Variants in TCEA3 observed in about 807,000 individuals in gnomAD.
TCEA3 encodes the protein transcription elongation factor A3.
In TCEA3, 36 loss-of-function variants were observed where a neutral mutation model predicts 44.0. The observed-to-expected ratio is 0.82, with a 90% CI of 0.63 to 1.08. TCEA3 has a LOEUF of 1.08. Ranked by LOEUF, TCEA3 falls within the 50% of genes least tolerant of loss-of-function variation. TCEA3 has a pLI of 0.00. For missense variants in TCEA3, 392 were observed against 441.2 expected (o/e 0.89, Z 1.00); for synonymous variants, 162 against 159.7 (o/e 1.01, Z -0.11).
At chr1:23,384,034 C>A in intron 10 of TCEA3, 1 of 1,206,298 alleles carries the variant, frequency 8.3e-7, no homozygotes, top group Non-Finnish European at 1.0e-6. Context: ...GAATGTTTTT[C>A]CTCTCCTCTG....
At chr1:23,406,546 C>T (rs1639549889) in intron 5 of TCEA3, among the ~76,000 whole-genome samples, 1 of 152,178 alleles carries the variant, frequency 6.6e-6, no homozygotes. Flanking sequence ...ACACCCACTC[C>T]TTTATCCACA....
chr1:23,403,037 G>C (rs1282704668), intron 5 of TCEA3, among the ~76,000 whole-genome samples: 1 of 152,216 alleles, frequency 6.6e-6, no homozygotes, highest in Non-Finnish European at 1.5e-5. Flanking sequence ...CTCTCTCAAA[G>C]CCAGCCTCTG....
chr1:23,398,479 C>T (rs115626380), intron 5 of TCEA3, among the ~76,000 whole-genome samples: 2,185 of 152,330 alleles, frequency 0.014, 20 homozygotes, highest in Non-Finnish European at 0.021. Flanking sequence ...GATAAGTCAG[C>T]AAAGCTCCTT....
chr1:23,419,937 G>A (rs1640009569), intron 1 of TCEA3, among the ~76,000 whole-genome samples: 1 of 152,134 alleles, frequency 6.6e-6, no homozygotes, highest in Non-Finnish European at 1.5e-5. Context: ...CAACATACGT[G>A]TACACCCATG....
In TCEA3 at chr1:23,404,152, G is replaced by A. The variant is rs1175468176; in HGVS notation, c.443+4512C>T. ...AGGGCATTTCAGTTACTGCATCAGCGAGCATGCTCTGCAAATGGCAAATCA... is the reference window on the plus strand; with the variant it reads ...AGGGCATTTCAGTTACTGCATCAGCAAGCATGCTCTGCAAATGGCAAATCA... On this transcript the variant is annotated intron_variant, in intron 5 of 10. Coordinates refer to ENST00000450454, the MANE Select transcript of TCEA3 (RefSeq NM_003196.3). 15 of 702,308 alleles carry A rather than the reference G, an allele frequency of 2.1e-5. No homozygotes were observed. The East Asian group carries it at 3.8e-4, about 18-fold the overall frequency. The allele number at this position is 702,308 out of a possible 1,614,324, so 43.5% of individuals were successfully genotyped here. A position where few individuals can be genotyped will look rare whatever the true frequency, so the allele number is the denominator to read the frequency against.
At chr1:23,415,114 C>G (rs1570285217) in intron 4 of TCEA3, among the ~76,000 whole-genome samples, 1 of 150,618 alleles carries the variant, frequency 6.6e-6, no homozygotes, top group South Asian at 2.1e-4. Context: ...ACCTCTGCTC[C>G]CGGGTTCAAG....
intron 8 of TCEA3, among the ~76,000 whole-genome samples, chr1:23,392,509 T>C (rs62653740): frequency 7.5e-3 from 84 of 11,156 alleles, no homozygotes; most frequent in Admixed American, 0.019. Flanking sequence ...TCACACTCCA[T>C]ACATCATACA....
At position 23,381,075 on chromosome 1, in the gene TCEA3, GTTTC is replaced by G. The variant is rs1179089572; in HGVS notation, c.*387_*390del. 5.7e-6 allele frequency: 1 copy of G among 175,598 alleles called. No homozygotes were observed. Among genetic ancestry groups the G allele is most frequent in the Non-Finnish European group, 1.2e-5 (1 of 83,088 alleles). 10.9% of individuals were successfully genotyped at this position (175,598 alleles called of 1,614,324 possible). ...GACACCTCAGGTCTAAGGCGCTGCA[GTTTC>G]TTTATTTTTTCTTTTTATAGAGATG... On this transcript the variant is annotated 3_prime_UTR_variant, in exon 11 of 11. Coordinates refer to ENST00000450454, the MANE Select transcript of TCEA3 (RefSeq NM_003196.3).
chr1:23,417,110 C>T (rs1639914196), intron 4 of TCEA3, 139 bp downstream of exon 4: 1 of 1,087,204 alleles, frequency 9.2e-7, no homozygotes, highest in Non-Finnish European at 1.3e-6. Flanking sequence ...AAGAAGACCC[C>T]CAGAGGGGGC....
At chr1:23,395,237 G>A (rs1359372614) in intron 7 of TCEA3, among the ~76,000 whole-genome samples, 4 of 152,210 alleles carry the variant, frequency 2.6e-5, no homozygotes, top group Non-Finnish European at 5.9e-5. Flanking sequence ...GGATTCCTGG[G>A]GTGTATTGAT....
chr1:23,394,776 C>A (rs972370615), intron 7 of TCEA3, among the ~76,000 whole-genome samples: 2 of 152,224 alleles, frequency 1.3e-5, no homozygotes, highest in Non-Finnish European at 2.9e-5. Context: ...TTGCTCAAGG[C>A]CACCAGGCAA....
chr1:23,423,582 A>C (rs1640126349), intron 1 of TCEA3, among the ~76,000 whole-genome samples: 2 of 152,172 alleles, frequency 1.3e-5, no homozygotes, highest in South Asian at 4.1e-4. Context: ...TGTCCTGGAA[A>C]TGCAGGTGGC....
rs1402231231 is a variant in TCEA3, at chr1:23,381,523, C to T, written c.1039-49G>A. 4 of 780,674 alleles carry T rather than the reference C, an allele frequency of 5.1e-6. No individual in the cohort carries two copies. The Middle Eastern group carries it at 6.8e-4, about 132-fold the overall frequency. 48.4% of individuals were successfully genotyped at this position (780,674 alleles called of 1,614,324 possible). A position where few individuals can be genotyped will look rare whatever the true frequency, so the allele number is the denominator to read the frequency against. ...AATTTGAAAGGTTTCTCGGCATCCT[C>T]CAAGGAGGCTGTGGGGGAATATGAA... On this transcript the variant is annotated intron_variant, in intron 10 of 10. Transcript: ENST00000450454.
intron 5 of TCEA3, among the ~76,000 whole-genome samples, chr1:23,404,984 T>C (rs1194456251): frequency 6.6e-6 from 1 of 151,906 alleles, no homozygotes; most frequent in Non-Finnish European, 1.5e-5. Flanking sequence ...GGGAGTTCCA[T>C]ATGAAAATCT....
In TCEA3 at chr1:23,424,710, G is replaced by T. The variant is rs1203654369; in HGVS notation, c.-77C>A. ...CTCGGGGGCAGGAGGCGCGAAGGCG[G>T]AGGGCGCGCAACCCGCGCGGGCCCC... On this transcript the variant is annotated 5_prime_UTR_variant, in exon 1 of 11. Coordinates refer to ENST00000450454, the MANE Select transcript of TCEA3 (RefSeq NM_003196.3). The T allele has an allele frequency of 6.7e-6, 8 of 1,195,854 alleles. No individual in the cohort carries two copies. The highest frequency in any genetic ancestry group is 2.0e-5 in the Admixed American group (1 of 49,244). 74.1% of individuals were successfully genotyped at this position (1,195,854 alleles called of 1,614,324 possible). A position where few individuals can be genotyped will look rare whatever the true frequency, so the allele number is the denominator to read the frequency against.
chr1:23,408,013 T>C (rs182725293), intron 5 of TCEA3, among the ~76,000 whole-genome samples: 1 of 151,962 alleles, frequency 6.6e-6, no homozygotes, highest in Non-Finnish European at 1.5e-5. Context: ...CCAGGTTGGA[T>C]TGCAGTGGCG....
chr1:23,408,436 C>A, intron 5 of TCEA3: 2 of 473,102 alleles, frequency 4.2e-6, no homozygotes. Flanking sequence ...TGAATGAATA[C>A]ATGATGAATT....
At position 23,418,687 on chromosome 1, in the gene TCEA3, G is replaced by C. The variant is rs970098838; in HGVS notation, c.132+390C>G. 2.0e-5 allele frequency among the ~76,000 whole-genome samples: 3 copies of C among 152,136 alleles called. No individual in the cohort carries two copies. In the East Asian group the frequency reaches 5.8e-4, roughly 29 times the overall value. On this transcript the variant is annotated intron_variant, in intron 2 of 10. Coordinates refer to ENST00000450454, the MANE Select transcript of TCEA3 (RefSeq NM_003196.3). ...ATGAGACCTTGCATCTGTCTGTGCT[G>C]ATTTTTCAGGGCCAGGAGCTTTTGG...
At chr1:23,392,610 AC>A (rs1392922467) in intron 8 of TCEA3, among the ~76,000 whole-genome samples, 1 of 5,704 alleles carries the variant, frequency 1.8e-4, no homozygotes, top group African/African-American at 4.4e-4. Context: ...CACACATCAT[AC>A]ACACACACAC....
Sources: allele counts gnomAD v4.1 joint callset (sites outside exome capture counted in the v4.1 genomes callset), GRCh38; gene constraint gnomAD v4.1.1; transcripts MANE v1.5; gene names NCBI Gene and HGNC (gene_info 2026-07-23, HGNC 2026-07-21).